Variants in GATAD1 observed in about 807,000 individuals in gnomAD.
GATAD1 encodes the protein GATA zinc finger domain containing 1.
Under a neutral mutation model 26.5 loss-of-function variants are expected in GATAD1, and 12 were observed. The observed-to-expected ratio is 0.45, with a 90% CI of 0.29 to 0.73. The LOEUF is 0.73. Among genes scored for constraint, GATAD1 ranks in the 30% least tolerant of loss-of-function variants. The pLI, the probability that GATAD1 is intolerant of heterozygous loss-of-function variation, is 0.10. For synonymous variants in GATAD1, 129 were observed against 133.1 expected (o/e 0.97, Z 0.21); for missense variants, 266 against 342.1 (o/e 0.78, Z 1.75).
At chr7:92,487,296 C>T in the GATAD1 span, 1 of 525,884 alleles carries the variant, frequency 1.9e-6, no homozygotes, top group African/African-American at 1.9e-5. Context: ...AATCTCAATC[C>T]TGATCATTAC....
At chr7:92,480,043 T>TG in the GATAD1 span, among the ~76,000 whole-genome samples, 1 of 152,032 alleles carries the variant, frequency 6.6e-6, no homozygotes, top group African/African-American at 2.4e-5. Context: ...CTGAGTTTGG[T>TG]GGGGTGTGTT....
At chr7:92,448,466 A>C (rs1161948341) in intron 1 of GATAD1, among the ~76,000 whole-genome samples, 2 of 152,198 alleles carry the variant, frequency 1.3e-5, no homozygotes, top group African/African-American at 2.4e-5. Flanking sequence ...GTCTTGGTCA[A>C]GACTGACTCC....
chr7:92,455,224 G>A (rs1488313315), intron 4 of GATAD1, among the ~76,000 whole-genome samples: 1 of 152,148 alleles, frequency 6.6e-6, no homozygotes, highest in African/African-American at 2.4e-5. Flanking sequence ...GAGTGTGAGT[G>A]CTATCAGTTA....
At position 92,447,905 on chromosome 7, in the gene GATAD1, G is replaced by A; in HGVS notation, c.176G>A (p.Gly59Asp). ...AGGTGGSGGG[G>D]FGAATFASTS... is the part of the protein sequence containing the mutation. ...GGGACTGGGGGCAGCGGCGGCGGCG[G>A]CTTCGGCGCGGCGACCTTCGCCAGC... The change falls in exon 1 of 5, where the codon GGC becomes GAC. Residue 59 changes from glycine to aspartate, a missense_variant. By Grantham distance (94) the Gly-to-Asp change is moderately conservative (BLOSUM62 -1). Transcript: ENST00000287957. 1.6e-6 allele frequency: 2 copies of A among 1,255,810 alleles called. No homozygotes were observed. Among genetic ancestry groups the A allele is most frequent in the Non-Finnish European group, 2.0e-6 (2 of 1,001,824 alleles). The allele number at this position is 1,255,810 out of a possible 1,614,324, so 77.8% of individuals were successfully genotyped here. A position where few individuals can be genotyped will look rare whatever the true frequency, so the allele number is the denominator to read the frequency against.
At chr7:92,450,493 A>G (rs187391423) in intron 2 of GATAD1, 275 of 537,400 alleles carry the variant, frequency 5.1e-4, no homozygotes, top group African/African-American at 4.9e-3. Context: ...TGTCTCAGCA[A>G]TTTTTAAGCT....
the GATAD1 span, chr7:92,494,369 C>T: frequency 9.2e-5 from 149 of 1,613,676 alleles, no homozygotes; most frequent in Middle Eastern, 3.3e-4. Flanking sequence ...CAAGTCAGGG[C>T]GACTAGTAGC....
intron 3 of GATAD1, 31 bp downstream of exon 3, chr7:92,450,791 G>C (rs1288464549): frequency 7.3e-7 from 1 of 1,361,368 alleles, no homozygotes; most frequent in Non-Finnish European, 1.1e-6. Flanking sequence ...TGAAGGAAGA[G>C]TTGGGCCTAG....
At chr7:92,480,675 A>C in the GATAD1 span, among the ~76,000 whole-genome samples, 1 of 151,970 alleles carries the variant, frequency 6.6e-6, no homozygotes, top group Non-Finnish European at 1.5e-5. Context: ...TCAATGGGGG[A>C]GTAGGTGGGA....
At chr7:92,464,194 C>T (rs1314880809), downstream of GATAD1, among the ~76,000 whole-genome samples, 1 of 152,136 alleles carries the variant, frequency 6.6e-6, no homozygotes, top group East Asian at 1.9e-4. Flanking sequence ...ATTTAAAAAT[C>T]TCCCAGTTAG....
At chr7:92,485,473 C>T in the GATAD1 span, among the ~76,000 whole-genome samples, 2 of 152,206 alleles carry the variant, frequency 1.3e-5, no homozygotes, top group Non-Finnish European at 1.5e-5. Context: ...ACCTAATTCT[C>T]ACACCTAGGT....
At chr7:92,466,240 C>T in the GATAD1 span, among the ~76,000 whole-genome samples, 2 of 152,076 alleles carry the variant, frequency 1.3e-5, no homozygotes, top group Non-Finnish European at 2.9e-5. Flanking sequence ...GATCACTGCT[C>T]ACTGCAGCCT....
At chr7:92,465,474 T>C in the GATAD1 span, among the ~76,000 whole-genome samples, 1 of 151,828 alleles carries the variant, frequency 6.6e-6, no homozygotes. Context: ...AAAAATTAGC[T>C]GGCTGTGGTG....
chr7:92,465,824 A>G, the GATAD1 span, among the ~76,000 whole-genome samples: 1 of 151,860 alleles, frequency 6.6e-6, no homozygotes, highest in African/African-American at 2.4e-5. Flanking sequence ...AACATGGTGA[A>G]ACCTCGTCTC....
chr7:92,483,066 G>A, the GATAD1 span, among the ~76,000 whole-genome samples: 301 of 152,298 alleles, frequency 2.0e-3, 1 homozygote, highest in African/African-American at 7.0e-3. Context: ...CTGCTAAGCC[G>A]AGAAGATCTG....
At chr7:92,464,787 G>A (rs1790039998), downstream of GATAD1, among the ~76,000 whole-genome samples, 1 of 152,206 alleles carries the variant, frequency 6.6e-6, no homozygotes, top group African/African-American at 2.4e-5. Flanking sequence ...AGAGAATCCT[G>A]CCAGCGTCCT....
chr7:92,492,567 A>G, the GATAD1 span, among the ~76,000 whole-genome samples: 8 of 152,252 alleles, frequency 5.3e-5, no homozygotes, highest in Non-Finnish European at 7.3e-5. Context: ...CCTATTGGCC[A>G]GATTGGAACA....
the GATAD1 span, among the ~76,000 whole-genome samples, chr7:92,486,432 G>C: frequency 6.6e-6 from 1 of 152,192 alleles, no homozygotes; most frequent in African/African-American, 2.4e-5. Flanking sequence ...CTCACTTTAT[G>C]GTGAAAAGAG....
chr7:92,447,625 C>T lies in GATAD1; in HGVS notation c.-105C>T, dbSNP rs1190450525. The T allele has an allele frequency of 7.6e-6, 10 of 1,310,940 alleles. No homozygotes were observed. Among genetic ancestry groups the T allele is most frequent in the Non-Finnish European group, 8.8e-6 (9 of 1,024,708 alleles). 81.2% of individuals were successfully genotyped at this position (1,310,940 alleles called of 1,614,324 possible). A position where few individuals can be genotyped will look rare whatever the true frequency, so the allele number is the denominator to read the frequency against. ...GGCAGCTCCGTGCCGACGCTCTCAC[C>T]GCTCTTCCTATCGCCGGGAGTGGCG... On this transcript the variant is annotated 5_prime_UTR_variant, in exon 1 of 5. Coordinates refer to ENST00000287957, the MANE Select transcript of GATAD1 (RefSeq NM_021167.5).
Position 92,456,604 on chromosome 7 carries a change from T to G in GATAD1, c.*42T>G. On this transcript the variant is annotated 3_prime_UTR_variant, in exon 5 of 5. Transcript: ENST00000287957. ...GGGTTTCCAGGCCTGGTGTGGTGGC[T>G]CACGCCTGTAGCCCCAGCTATTGCA... 1 of 1,308,050 alleles carries G rather than the reference T, an allele frequency of 7.6e-7. No individual in the cohort carries two copies. Among genetic ancestry groups the G allele is most frequent in the South Asian group, 1.3e-5 (1 of 79,636 alleles). The allele number at this position is 1,308,050 out of a possible 1,614,324, so 81.0% of individuals were successfully genotyped here. A position where few individuals can be genotyped will look rare whatever the true frequency, so the allele number is the denominator to read the frequency against.
Sources: allele counts gnomAD v4.1 joint callset (sites outside exome capture counted in the v4.1 genomes callset), GRCh38; gene constraint gnomAD v4.1.1; transcripts MANE v1.5; gene names NCBI Gene and HGNC (gene_info 2026-07-23, HGNC 2026-07-21).